CHD1L: variants seen among roughly 807,000 people sequenced by gnomAD.
CHD1L encodes ATP-dependent chromatin remodeler CHD1L.
A neutral mutation model predicts 115.9 loss-of-function variants in CHD1L; 118 were observed. That is an observed-to-expected ratio of 1.02 (90% CI 0.88 to 1.19). CHD1L has a LOEUF of 1.19. Ranked by LOEUF, CHD1L falls within the 50% of genes most tolerant of loss-of-function variation. CHD1L has a pLI of 0.00. For synonymous variants in CHD1L, 411 were observed against 387.1 expected (o/e 1.06, Z -0.72); for missense variants, 1,179 against 1,065.3 (o/e 1.11, Z -1.49).
At chr1:147,288,713 C>A (rs782010094) in intron 19 of CHD1L, among the ~76,000 whole-genome samples, 31 of 152,018 alleles carry the variant, frequency 2.0e-4, no homozygotes, top group Non-Finnish European at 2.6e-4. Context: ...ATTGGACATA[C>A]CATTAAAATG....
At position 147,264,425 on chromosome 1, in the gene CHD1L, T is replaced by G. The variant is rs782366790; in HGVS notation, c.580T>G (p.Ser194Ala). ...TTTATTTATTTATGTATTTGAGTTCTCAGTAGTCTTCAGTCTCCTGTTGAC... is the reference window on the plus strand; with the variant it reads ...TTTATTTATTTATGTATTTGAGTTCGCAGTAGTCTTCAGTCTCCTGTTGAC... ...SLLHKTLSEF[S>A]VVFSLLLTGT... is the part of the protein sequence containing the mutation. The change falls in exon 7 of 23, where the codon TCA (serine) becomes GCA (alanine). Residue 194 changes from serine to alanine, a missense_variant. By Grantham distance (99) the Ser-to-Ala change is moderately conservative. Transcript: ENST00000369258. 1 of 1,602,818 alleles carries G rather than the reference T, an allele frequency of 6.2e-7. No individual in the cohort carries two copies. Among genetic ancestry groups the G allele is most frequent in the Non-Finnish European group, 8.5e-7 (1 of 1,173,920 alleles).
At chr1:147,257,198 C>A (rs1016706387) in intron 5 of CHD1L, among the ~76,000 whole-genome samples, 1 of 150,072 alleles carries the variant, frequency 6.7e-6, no homozygotes, top group Non-Finnish European at 1.5e-5. Context: ...GGGTTTCATT[C>A]TCTATAACCT....
At chr1:147,196,292 A>G in the CHD1L span, among the ~76,000 whole-genome samples, 56,680 of 151,872 alleles carry the variant, frequency 0.37, 11,045 homozygotes, top group African/African-American at 0.5. Context: ...ATTATTTATC[A>G]TCATAAATCA....
chr1:147,269,691 C>CAGGTTCAGT (rs1384865632), intron 10 of CHD1L, among the ~76,000 whole-genome samples: 4 of 130,826 alleles, frequency 3.1e-5, no homozygotes, highest in Admixed American at 2.4e-4. Context: ...AAAAAAAGAC[C>CAGGTTCAGT]AGGTTCAGTT....
chr1:147,224,584 A>C, the CHD1L span, among the ~76,000 whole-genome samples: 2 of 151,838 alleles, frequency 1.3e-5, no homozygotes, highest in East Asian at 3.9e-4. Context: ...ATCTCGGCTC[A>C]CTGCAAGCTC....
intron 15 of CHD1L, among the ~76,000 whole-genome samples, chr1:147,282,508 T>C (rs1681313845): frequency 6.6e-6 from 1 of 152,186 alleles, no homozygotes; most frequent in Admixed American, 6.5e-5. Flanking sequence ...CCATGTCTCT[T>C]CTTAATCTGT....
intron 17 of CHD1L, among the ~76,000 whole-genome samples, chr1:147,285,815 A>C (rs587734476): frequency 8.6e-5 from 13 of 151,912 alleles, no homozygotes; most frequent in Admixed American, 4.6e-4. Context: ...ACCCACTATA[A>C]CCTCCCTAGT....
the CHD1L span, among the ~76,000 whole-genome samples, chr1:147,202,706 C>A: frequency 6.6e-6 from 1 of 152,146 alleles, no homozygotes; most frequent in Non-Finnish European, 1.5e-5. Flanking sequence ...GTTTAAATTA[C>A]CACTACTGGT....
chr1:147,202,073 G>C, the CHD1L span, among the ~76,000 whole-genome samples: 1 of 152,198 alleles, frequency 6.6e-6, no homozygotes, highest in Non-Finnish European at 1.5e-5. Flanking sequence ...TTGAGGCCTA[G>C]AAAAGTTATG....
At chr1:147,262,848 C>A (rs1230265098) in intron 6 of CHD1L, among the ~76,000 whole-genome samples, 1 of 151,862 alleles carries the variant, frequency 6.6e-6, no homozygotes, top group East Asian at 1.9e-4. Flanking sequence ...TATAGAAAGA[C>A]AAGAAGAAAA....
At chr1:147,199,653 T>C in the CHD1L span, among the ~76,000 whole-genome samples, 2 of 152,218 alleles carry the variant, frequency 1.3e-5, no homozygotes, top group Non-Finnish European at 2.9e-5. Context: ...GCTTATGTAA[T>C]TGACCCAATT....
At chr1:147,227,656 T>A in the CHD1L span, among the ~76,000 whole-genome samples, 1 of 152,366 alleles carries the variant, frequency 6.6e-6, no homozygotes, top group Non-Finnish European at 1.5e-5. Context: ...TTACTCATGC[T>A]ATTACTAGAC....
Position 147,242,797 on chromosome 1 carries a change from C to T in CHD1L, c.94C>T (p.Gln32Ter), listed in dbSNP as rs1293833748. 3.1e-6 allele frequency: 4 copies of T among 1,275,074 alleles called. No homozygotes were observed. Among genetic ancestry groups the T allele is most frequent in the Non-Finnish European group, 3.0e-6 (3 of 1,003,530 alleles). 79.0% of individuals were successfully genotyped at this position (1,275,074 alleles called of 1,614,324 possible). ...GGGCCGAGCCGAGGCGGCGCGGGTG[C>T]AGGAGCAGGACTTACGGCAGTGGGG... ...TEGRAEAARV[Q>*]EQDLRQWGLT... Residue 32 changes from glutamine (Q) to a stop codon, truncating the protein, a stop_gained, in exon 1 of 23, where the codon CAG becomes TAG. Coordinates refer to ENST00000369258, the MANE Select transcript of CHD1L (RefSeq NM_004284.6). LOFTEE classifies it high-confidence loss of function.
At position 147,275,334 on chromosome 1, in the gene CHD1L, C is replaced by A. The variant is rs782172050; in HGVS notation, c.1271-20C>A. The A allele has an allele frequency of 6.3e-7, 1 of 1,575,794 alleles. No individual in the cohort carries two copies. Among genetic ancestry groups the A allele is most frequent in the Non-Finnish European group, 8.7e-7 (1 of 1,145,194 alleles). ...TCGTCTTTGTGCTGCTGATTACATT[C>A]CTTTTTGCATTGTTTTCAGGTGGAG... On this transcript the variant is annotated intron_variant, in intron 12 of 22. Transcript: ENST00000369258.
the CHD1L span, among the ~76,000 whole-genome samples, chr1:147,230,313 T>C: frequency 4.9e-5 from 4 of 81,496 alleles, 1 homozygote; most frequent in African/African-American, 1.8e-4. Flanking sequence ...ATTACATTAA[T>C]TGATTTGCAT....
upstream of CHD1L, among the ~76,000 whole-genome samples, chr1:147,241,413 C>T (rs1664870172): frequency 6.6e-6 from 1 of 152,188 alleles, no homozygotes; most frequent in South Asian, 2.1e-4. Flanking sequence ...CTCCTGCCCG[C>T]CACAGAACAA....
At chr1:147,224,532 C>T in the CHD1L span, among the ~76,000 whole-genome samples, 4 of 151,878 alleles carry the variant, frequency 2.6e-5, no homozygotes, top group African/African-American at 7.3e-5. Flanking sequence ...TTCCTTGAGA[C>T]GGAGTCTTGC....
intron 20 of CHD1L, 135 bp from the exon 21 acceptor site, chr1:147,293,473 T>A: frequency 5.8e-6 from 4 of 685,390 alleles, no homozygotes; most frequent in Non-Finnish European, 1.0e-5. Context: ...ACATTGCTGT[T>A]CAGGCATAGC....
At chr1:147,239,637 G>C (rs147251632), upstream of CHD1L, among the ~76,000 whole-genome samples, 48 of 152,178 alleles carry the variant, frequency 3.2e-4, no homozygotes, top group Middle Eastern at 3.4e-3. Context: ...ACAGTATTCA[G>C]AGCAAAACTT....
Sources: allele counts gnomAD v4.1 joint callset (sites outside exome capture counted in the v4.1 genomes callset), GRCh38; gene constraint gnomAD v4.1.1; transcripts MANE v1.5; gene names NCBI Gene and HGNC (gene_info 2026-07-23, HGNC 2026-07-21).